The following TMEM17 variants were observed in gnomAD, a reference collection of about 807,000 sequenced individuals.
The protein encoded by TMEM17 is transmembrane protein 17.
Under a neutral mutation model 19.1 loss-of-function variants are expected in TMEM17, and 15 were observed. The ratio of observed to expected loss-of-function variants is 0.78; its 90% CI spans 0.52 to 1.21. The LOEUF is 1.21. TMEM17 is among the 50% of genes most tolerant of loss of function. TMEM17 has a pLI of 0.00. For synonymous variants in TMEM17, 103 were observed against 86.9 expected (o/e 1.19, Z -1.03); for missense variants, 245 against 242.3 (o/e 1.01, Z -0.07).
downstream of TMEM17, among the ~76,000 whole-genome samples, chr2:62,495,923 G>C (rs1679765588): frequency 6.6e-6 from 1 of 152,152 alleles, no homozygotes; most frequent in Non-Finnish European, 1.5e-5. Context: ...TTATGTCCTA[G>C]GGCTGTCCCA....
the TMEM17 span, among the ~76,000 whole-genome samples, chr2:62,472,866 TTAGAAG>T: frequency 6.6e-6 from 1 of 152,210 alleles, no homozygotes; most frequent in African/African-American, 2.4e-5. Context: ...TTCAAAACAA[TTAGAAG>T]TAGACTGTGT....
chr2:62,453,656 G>A, the TMEM17 span, among the ~76,000 whole-genome samples: 1 of 152,176 alleles, frequency 6.6e-6, no homozygotes, highest in Non-Finnish European at 1.5e-5. Flanking sequence ...AACCTCTGTA[G>A]ACCTTTTTAA....
chr2:62,486,676 AC>A, the TMEM17 span, among the ~76,000 whole-genome samples: 8 of 152,300 alleles, frequency 5.3e-5, no homozygotes, highest in African/African-American at 1.9e-4. Context: ...ATGAAAAGAG[AC>A]AAAGTGGATG....
chr2:62,487,877 A>G, the TMEM17 span, among the ~76,000 whole-genome samples: 2 of 152,268 alleles, frequency 1.3e-5, 1 homozygote, highest in Middle Eastern at 6.8e-3. Flanking sequence ...TATTTTTAGT[A>G]GAGACGGAGG....
chr2:62,499,158 G>A (rs913365352), downstream of TMEM17, among the ~76,000 whole-genome samples: 6 of 152,064 alleles, frequency 3.9e-5, no homozygotes, highest in Non-Finnish European at 5.9e-5. Context: ...TGAAATTTTT[G>A]ATAAATCAAT....
the TMEM17 span, among the ~76,000 whole-genome samples, chr2:62,484,926 T>G: frequency 1.5e-4 from 23 of 152,306 alleles, no homozygotes; most frequent in African/African-American, 5.1e-4. Flanking sequence ...GTCATGGCTT[T>G]CCCAACTAAT....
chr2:62,459,373 G>GT, the TMEM17 span, among the ~76,000 whole-genome samples: 4 of 152,252 alleles, frequency 2.6e-5, no homozygotes, highest in Admixed American at 6.5e-5. Context: ...TATCAGCATG[G>GT]TTCAAGGAAT....
At chr2:62,469,480 G>A in the TMEM17 span, among the ~76,000 whole-genome samples, 1 of 152,156 alleles carries the variant, frequency 6.6e-6, no homozygotes, top group Non-Finnish European at 1.5e-5. Flanking sequence ...AGATTGAATT[G>A]CCCTAGAAAA....
the TMEM17 span, among the ~76,000 whole-genome samples, chr2:62,475,958 C>T: frequency 3.3e-5 from 5 of 152,140 alleles, no homozygotes; most frequent in Non-Finnish European, 7.4e-5. Context: ...CAAGCAAATG[C>T]TCGTGTTCAT....
the TMEM17 span, among the ~76,000 whole-genome samples, chr2:62,454,154 C>T: frequency 6.6e-6 from 1 of 152,198 alleles, no homozygotes; most frequent in Non-Finnish European, 1.5e-5. Flanking sequence ...CCTGGCCCAG[C>T]TCCCACATCT....
chr2:62,467,147 T>C, the TMEM17 span, among the ~76,000 whole-genome samples: 1 of 151,948 alleles, frequency 6.6e-6, no homozygotes, highest in Non-Finnish European at 1.5e-5. Context: ...TTACGTATTA[T>C]CCCATTTAAA....
At chr2:62,475,135 G>C in the TMEM17 span, among the ~76,000 whole-genome samples, 39 of 152,206 alleles carry the variant, frequency 2.6e-4, no homozygotes, top group African/African-American at 9.2e-4. Context: ...AGGAGAAGCA[G>C]CAGGAAGGGG....
the TMEM17 span, among the ~76,000 whole-genome samples, chr2:62,483,599 ATTTT>A: frequency 7.7e-4 from 104 of 134,232 alleles, no homozygotes; most frequent in East Asian, 8.3e-3. Flanking sequence ...CCCAGGATAC[ATTTT>A]TTTTTTTTTT....
At chr2:62,498,493 G>A (rs1447705761), downstream of TMEM17, among the ~76,000 whole-genome samples, 1 of 150,842 alleles carries the variant, frequency 6.6e-6, no homozygotes, top group Non-Finnish European at 1.5e-5. Context: ...GAGGCGGGCG[G>A]ATCACGAGGT....
At chr2:62,460,978 AG>A in the TMEM17 span, among the ~76,000 whole-genome samples, 1 of 152,200 alleles carries the variant, frequency 6.6e-6, no homozygotes, top group Admixed American at 6.5e-5. Context: ...TGGGGAGATG[AG>A]GACAGATTTT....
chr2:62,473,529 G>A, the TMEM17 span, among the ~76,000 whole-genome samples: 1 of 152,186 alleles, frequency 6.6e-6, no homozygotes, highest in African/African-American at 2.4e-5. Flanking sequence ...TGCAGAACCA[G>A]CTTTACCCCT....
chr2:62,495,257 C>G (rs10199065), downstream of TMEM17, among the ~76,000 whole-genome samples: 16,721 of 152,192 alleles, frequency 0.11, 2,066 homozygotes, highest in African/African-American at 0.31. Flanking sequence ...ATCTTGTTTT[C>G]AGGTGTTCCA....
At chr2:62,477,883 C>T in the TMEM17 span, among the ~76,000 whole-genome samples, 4 of 152,194 alleles carry the variant, frequency 2.6e-5, no homozygotes, top group Admixed American at 6.5e-5. Flanking sequence ...GGCCGCCTGA[C>T]CTGCAGACTT....
chr2:62,479,846 C>T, the TMEM17 span, among the ~76,000 whole-genome samples: 1 of 144,110 alleles, frequency 6.9e-6, no homozygotes, highest in Non-Finnish European at 1.5e-5. Flanking sequence ...GAGGTCATGC[C>T]ACTGCACTCC....
Sources: allele counts gnomAD v4.1 joint callset (sites outside exome capture counted in the v4.1 genomes callset), GRCh38; gene constraint gnomAD v4.1.1; transcripts MANE v1.5; gene names NCBI Gene and HGNC (gene_info 2026-07-23, HGNC 2026-07-21).